Variants in NALF1 observed in about 807,000 individuals in gnomAD.
NALF1 encodes the protein NALCN channel auxiliary factor 1, also known as family with sequence similarity 155 member A.
Under a neutral mutation model 48.4 loss-of-function variants are expected in NALF1, and 3 were observed. The observed-to-expected ratio is 0.06, with a 90% CI of 0.03 to 0.16. The LOEUF (loss-of-function observed/expected upper bound fraction) is 0.16, where lower values mean the gene tolerates loss of function less well. Among genes scored for constraint, NALF1 ranks in the 10% least tolerant of loss-of-function variants. The pLI is 1.00. For synonymous variants in NALF1, 262 were observed against 245.7 expected (o/e 1.07, Z -0.62); for missense variants, 526 against 571.5 (o/e 0.92, Z 0.81).
chr13:107,334,301 A>G (rs777812412), intron 1 of NALF1, among the ~76,000 whole-genome samples: 4 of 152,162 alleles, frequency 2.6e-5, no homozygotes, highest in Non-Finnish European at 5.9e-5. Flanking sequence ...GGTGAATCTG[A>G]TCATCTGATT....
At chr13:107,845,214 G>A (rs950196741) in intron 1 of NALF1, among the ~76,000 whole-genome samples, 1 of 152,168 alleles carries the variant, frequency 6.6e-6, no homozygotes, top group Non-Finnish European at 1.5e-5. Context: ...CATGACCCAA[G>A]TCCAGATGAA....
chr13:107,432,969 T>C (rs1884406831), intron 1 of NALF1, among the ~76,000 whole-genome samples: 2 of 152,114 alleles, frequency 1.3e-5, no homozygotes, highest in Admixed American at 1.3e-4. Context: ...GCCCAGGGAG[T>C]CCCTTAAATC....
chr13:107,714,666 A>T (rs916025804), intron 1 of NALF1, among the ~76,000 whole-genome samples: 2 of 150,980 alleles, frequency 1.3e-5, no homozygotes, highest in East Asian at 3.9e-4. Context: ...AAACTTTTTA[A>T]TCTGAACAGA....
chr13:107,335,795 A>G (rs1465184109), intron 1 of NALF1, among the ~76,000 whole-genome samples: 1 of 152,216 alleles, frequency 6.6e-6, no homozygotes, highest in African/African-American at 2.4e-5. Flanking sequence ...ATTCTATCCC[A>G]CGATTCAACT....
At chr13:107,308,200 T>A in intron 1 of NALF1, among the ~76,000 whole-genome samples, 1 of 32,628 alleles carries the variant, frequency 3.1e-5, no homozygotes, top group East Asian at 1.5e-3. Context: ...GTGTCTATGC[T>A]TTTTTTTTTT....
At chr13:107,626,427 G>C (rs1369298757) in intron 1 of NALF1, among the ~76,000 whole-genome samples, 1 of 151,978 alleles carries the variant, frequency 6.6e-6, no homozygotes, top group East Asian at 1.9e-4. Flanking sequence ...ATACCCAAAA[G>C]AAGAAAGGAA....
intron 1 of NALF1, among the ~76,000 whole-genome samples, chr13:107,766,901 T>A (rs16971076): frequency 0.076 from 11,579 of 152,190 alleles, 516 homozygotes; most frequent in African/African-American, 0.1. Context: ...TATTTTCATG[T>A]TAAAAACAAA....
intron 1 of NALF1, among the ~76,000 whole-genome samples, chr13:107,528,015 T>A (rs1320434235): frequency 1.3e-5 from 2 of 152,134 alleles, no homozygotes; most frequent in African/African-American, 4.8e-5. Flanking sequence ...TATAAACATA[T>A]CTGACAAAAT....
chr13:107,576,218 T>C (rs1223155219), intron 1 of NALF1, among the ~76,000 whole-genome samples: 2 of 152,172 alleles, frequency 1.3e-5, no homozygotes, highest in Non-Finnish European at 2.9e-5. Context: ...ACAGGTCTTA[T>C]CATTGCAGAT....
At chr13:107,397,158 A>C (rs1035379100) in intron 1 of NALF1, among the ~76,000 whole-genome samples, 7 of 152,142 alleles carry the variant, frequency 4.6e-5, no homozygotes, top group African/African-American at 1.7e-4. Context: ...AGCTGCAAGG[A>C]CTATTCCTGA....
chr13:107,408,561 A>T (rs1428052556), intron 1 of NALF1, among the ~76,000 whole-genome samples: 1 of 152,102 alleles, frequency 6.6e-6, no homozygotes, highest in Non-Finnish European at 1.5e-5. Flanking sequence ...ACAGTGAACA[A>T]TTCTGAGAGC....
chr13:107,175,638 T>C (rs1401155078), intron 2 of NALF1, among the ~76,000 whole-genome samples: 2 of 152,208 alleles, frequency 1.3e-5, no homozygotes, highest in Non-Finnish European at 2.9e-5. Context: ...CTCTGTCAAA[T>C]GCATTTCTGA....
Position 107,441,217 on chromosome 13 carries a change from A to C in NALF1, c.916-230462T>G, listed in dbSNP as rs7999694. On this transcript the variant is annotated intron_variant, in intron 1 of 2. Transcript: ENST00000375915. ...CAATATTTGATATCTGACAAGATTG[A>C]TATATTTCACTGTTGGTCCAACCAA... Among the ~76,000 whole-genome samples the C allele has an allele frequency of 3.8e-3, 586 of 152,320 alleles. 4 individuals carry two copies. The highest frequency in any genetic ancestry group is 0.013 in the African/African-American group (532 of 41,580).
intron 1 of NALF1, among the ~76,000 whole-genome samples, chr13:107,308,456 C>A (rs551526438): frequency 1.4e-4 from 22 of 152,202 alleles, no homozygotes; most frequent in Non-Finnish European, 2.5e-4. Context: ...CCCGCCTCGG[C>A]CTCCCAAAGT....
chr13:107,462,419 A>G (rs1319366273), intron 1 of NALF1, among the ~76,000 whole-genome samples: 3 of 152,252 alleles, frequency 2.0e-5, no homozygotes, highest in African/African-American at 7.2e-5. Flanking sequence ...GAAGTTACAT[A>G]AGTGCATTTA....
At chr13:107,227,919 C>A (rs569609509) in intron 1 of NALF1, among the ~76,000 whole-genome samples, 3 of 152,172 alleles carry the variant, frequency 2.0e-5, no homozygotes, top group Non-Finnish European at 2.9e-5. Context: ...ATAATAAAGT[C>A]GGCAAAGAGC....
At chr13:107,822,229 C>A (rs1335835710) in intron 1 of NALF1, among the ~76,000 whole-genome samples, 1 of 152,086 alleles carries the variant, frequency 6.6e-6, no homozygotes, top group Non-Finnish European at 1.5e-5. Context: ...AGTTTGACTT[C>A]CATTCCTTTT....
intron 1 of NALF1, among the ~76,000 whole-genome samples, chr13:107,536,911 T>A (rs996190610): frequency 2.6e-5 from 4 of 152,086 alleles, no homozygotes; most frequent in Non-Finnish European, 4.4e-5. Context: ...AAAAAAAGGA[T>A]GAGTTCATGT....
chr13:107,585,545 A>T (rs949781717), intron 1 of NALF1, among the ~76,000 whole-genome samples: 4 of 152,190 alleles, frequency 2.6e-5, no homozygotes, highest in Non-Finnish European at 5.9e-5. Context: ...AAAAATATGA[A>T]ATATTGGACA....
Sources: gnomAD v4.1 joint callset for allele counts (sites outside exome capture counted in the v4.1 genomes callset) on GRCh38, gnomAD v4.1.1 for gene constraint, MANE v1.5 for transcripts, NCBI Gene and HGNC (gene_info 2026-07-23, HGNC 2026-07-21) for gene names.